The following DPP3 variants were observed in gnomAD, a reference collection of about 807,000 sequenced individuals.
DPP3 encodes the protein DPP III.
In DPP3, 64 loss-of-function variants were observed where a neutral mutation model predicts 89.8. The observed-to-expected ratio is 0.71, with a 90% CI of 0.58 to 0.88. The LOEUF is 0.88. Among genes scored for constraint, DPP3 ranks in the 40% least tolerant of loss-of-function variants. The pLI is 0.00. For missense variants in DPP3, 835 were observed against 972.5 expected (o/e 0.86, Z 1.88); for synonymous variants, 377 against 404.3 (o/e 0.93, Z 0.81).
chr11:66,485,801 A>T (rs1388225270), intron 3 of DPP3, among the ~76,000 whole-genome samples: 1 of 152,172 alleles, frequency 6.6e-6, no homozygotes, highest in Non-Finnish European at 1.5e-5. Context: ...GCTGAAGTGT[A>T]GTGGTGTGAT....
rs1855199063 is a variant in DPP3, at chr11:66,485,396, C to T, written c.360+134C>T. 3.5e-6 allele frequency: 3 copies of T among 847,020 alleles called. No individual in the cohort carries two copies. The South Asian group carries it at 4.8e-5, about 14-fold the overall frequency. The allele number at this position is 847,020 out of a possible 1,614,324, so 52.5% of individuals were successfully genotyped here. Reference sequence around the variant, plus strand: ...CATGGACCCTGTCGCTTCCACCCTGCATGACTGTGGGTGTCACCAGCCTCA... The same window carrying T: ...CATGGACCCTGTCGCTTCCACCCTGTATGACTGTGGGTGTCACCAGCCTCA... On this transcript the variant is annotated intron_variant, in intron 3 of 17. Coordinates refer to ENST00000531863, the MANE Select transcript of DPP3 (RefSeq NM_130443.4).
At chr11:66,502,400 C>G (rs947777323) in intron 16 of DPP3, among the ~76,000 whole-genome samples, 3 of 151,762 alleles carry the variant, frequency 2.0e-5, no homozygotes, top group African/African-American at 7.3e-5. Context: ...CTCTGCCTCC[C>G]GAGTTCAAGA....
At position 66,497,262 on chromosome 11, in the gene DPP3, C is replaced by T. The variant is rs201633493; in HGVS notation, c.1699-36C>T. ...CAAGCCTAGGACCAAGCACTTGATA[C>T]GGGCTACAAATGCTGTCTTTCCCCT... On this transcript the variant is annotated intron_variant, in intron 15 of 17. Coordinates refer to ENST00000531863, the MANE Select transcript of DPP3 (RefSeq NM_130443.4). The T allele has an allele frequency of 5.2e-5, 83 of 1,598,114 alleles. No individual in the cohort carries two copies. In the East Asian group the frequency reaches 1.1e-3, roughly 20 times the overall value.
chr11:66,504,946 G>T (rs1016705326), intron 17 of DPP3, among the ~76,000 whole-genome samples, 172 bp downstream of exon 17: 1 of 152,024 alleles, frequency 6.6e-6, no homozygotes, highest in Non-Finnish European at 1.5e-5. Flanking sequence ...CCTTATCTTG[G>T]TATCTGTCAC....
At chr11:66,485,407 G>A in intron 3 of DPP3, 145 bp downstream of exon 3, 1 of 775,414 alleles carries the variant, frequency 1.3e-6, no homozygotes, top group Non-Finnish European at 2.1e-6. Context: ...ATGACTGTGG[G>A]TGTCACCAGC....
At chr11:66,489,000 G>C (rs1004225098) in intron 6 of DPP3, among the ~76,000 whole-genome samples, 1 of 152,178 alleles carries the variant, frequency 6.6e-6, no homozygotes, top group Non-Finnish European at 1.5e-5. Context: ...CCAGTAGCTG[G>C]GATTGCAGGT....
At chr11:66,497,551 G>T in intron 16 of DPP3, 74 bp downstream of exon 16, 1 of 1,526,622 alleles carries the variant, frequency 6.6e-7, no homozygotes, top group Non-Finnish European at 8.8e-7. Flanking sequence ...CAGGCACGGA[G>T]AATAAGCTGT....
intron 5 of DPP3, among the ~76,000 whole-genome samples, chr11:66,487,706 T>C (rs951446858): frequency 6.6e-6 from 1 of 152,134 alleles, no homozygotes; most frequent in African/African-American, 2.4e-5. Context: ...CAGTGCTTAG[T>C]AGAAGTGCAC....
intron 6 of DPP3, among the ~76,000 whole-genome samples, chr11:66,488,910 G>A (rs989792305): frequency 4.6e-5 from 7 of 152,134 alleles, no homozygotes; most frequent in Non-Finnish European, 1.0e-4. Context: ...GGAGTGCCCA[G>A]GCTAGAGTGC....
chr11:66,497,295 C>T lies in DPP3; in HGVS notation c.1699-3C>T, dbSNP rs755257218. The T allele has an allele frequency of 1.9e-6, 3 of 1,612,830 alleles. No homozygotes were observed. Among genetic ancestry groups the T allele is most frequent in the Admixed American group, 1.7e-5 (1 of 59,994 alleles). The stretch of plus-strand genomic sequence containing the variant: ...AAATGCTGTCTTTCCCCTGCTCCGG[C>T]AGGCCCATATGCAGGCCCGGTTTGT... On this transcript the variant is annotated splice_region_variant and splice_polypyrimidine_tract_variant and intron_variant, in intron 15 of 17. Transcript: ENST00000531863.
chr11:66,482,068 G>A, intron 1 of DPP3, 125 bp from the exon 2 acceptor site: 3 of 1,347,532 alleles, frequency 2.2e-6, no homozygotes, highest in Non-Finnish European at 2.0e-6. Flanking sequence ...TCTGGTGAAT[G>A]GGTACAATAG....
chr11:66,509,039 C>G, intron 17 of DPP3, 40 bp from the exon 18 acceptor site: 1 of 1,606,700 alleles, frequency 6.2e-7, no homozygotes, highest in African/African-American at 1.3e-5. Flanking sequence ...TTTCCCTATT[C>G]AGACCTTTCC....
intron 16 of DPP3, among the ~76,000 whole-genome samples, chr11:66,502,453 G>A (rs914863797): frequency 2.9e-4 from 44 of 150,360 alleles, no homozygotes; most frequent in Admixed American, 2.3e-3. Flanking sequence ...GATTATAGGC[G>A]TGTGCCACCA....
intron 17 of DPP3, among the ~76,000 whole-genome samples, chr11:66,508,227 C>T (rs938530653): frequency 2.6e-5 from 4 of 152,178 alleles, no homozygotes; most frequent in South Asian, 4.1e-4. Flanking sequence ...TGTTTGAGGG[C>T]AGTGCTTCCC....
intron 16 of DPP3, among the ~76,000 whole-genome samples, chr11:66,502,345 TC>T (rs1448399318): frequency 6.6e-6 from 1 of 151,216 alleles, no homozygotes; most frequent in East Asian, 1.9e-4. Flanking sequence ...TCTCGCTCTG[TC>T]CCCCAGGCTG....
chr11:66,482,259 G>C lies in DPP3; in HGVS notation c.59G>C (p.Arg20Pro), dbSNP rs139018330. Residue 20 changes from arginine to proline, a missense_variant, in exon 2 of 18, where the codon CGT (arginine) becomes CCT (proline). Transcript: ENST00000531863. ...NDIGVSSLDC[R>P]EAFRLLSPTE... Reference sequence around the variant, plus strand: ...ATCGGCGTGTCTAGCCTGGACTGCCGTGAGGCCTTCCGCCTGCTGTCACCC... The same window carrying C: ...ATCGGCGTGTCTAGCCTGGACTGCCCTGAGGCCTTCCGCCTGCTGTCACCC... 1 of 1,614,176 alleles carries C rather than the reference G, an allele frequency of 6.2e-7. No individual in the cohort carries two copies. The highest frequency in any genetic ancestry group is 1.7e-5 in the Admixed American group (1 of 60,030).
chr11:66,484,927 A>T (rs1855181685), intron 2 of DPP3, among the ~76,000 whole-genome samples: 1 of 152,090 alleles, frequency 6.6e-6, no homozygotes, highest in Non-Finnish European at 1.5e-5. Flanking sequence ...GAAAAGGCAG[A>T]CGAATGCTTG....
chr11:66,495,767 GC>G lies in DPP3; in HGVS notation c.1698+22del. 1 of 1,591,882 alleles carries G rather than the reference GC, an allele frequency of 6.3e-7. No individual in the cohort carries two copies. On this transcript the variant is annotated intron_variant, in intron 15 of 17. Coordinates refer to ENST00000531863, the MANE Select transcript of DPP3 (RefSeq NM_130443.4). ...TGGCGACAGGTAGGGCCTAGGTGGA[GC>G]CCCCTGGAGGCGGAAGGGAGCCTGC...
chr11:66,504,495 A>G (rs536484492), intron 16 of DPP3, 117 bp from the exon 17 acceptor site: 2 of 1,218,282 alleles, frequency 1.6e-6, no homozygotes, highest in South Asian at 4.2e-5. Context: ...GAGGGGACAC[A>G]TTCAAACCAT....
Sources: gnomAD v4.1 joint callset for allele counts (sites outside exome capture counted in the v4.1 genomes callset) on GRCh38, gnomAD v4.1.1 for gene constraint, MANE v1.5 for transcripts, NCBI Gene and HGNC (gene_info 2026-07-23, HGNC 2026-07-21) for gene names.